The following BRD7 variants were observed in gnomAD, a reference collection of about 807,000 sequenced individuals.
The protein encoded by BRD7 is bromodomain containing 7, also known as bromodomain-containing protein 7.
Under a neutral mutation model 82.1 loss-of-function variants are expected in BRD7, and 15 were observed. That is an observed-to-expected ratio of 0.18 (90% confidence interval 0.12 to 0.28). The LOEUF is 0.28. Ranked by LOEUF, BRD7 falls within the 10% of genes least tolerant of loss-of-function variation. The pLI, the probability that BRD7 is intolerant of heterozygous loss-of-function variation, is 1.00. For synonymous variants in BRD7, 232 were observed against 266.9 expected (o/e 0.87, Z 1.27); for missense variants, 638 against 779.9 (o/e 0.82, Z 2.17).
intron 5 of BRD7, among the ~76,000 whole-genome samples, chr16:50,342,339 A>C (rs2038100138): frequency 1.3e-5 from 2 of 152,186 alleles, no homozygotes; most frequent in South Asian, 4.1e-4. Context: ...GATTCTTTGG[A>C]GAAAGTGGAA....
At chr16:50,368,005 C>A in intron 2 of BRD7, 85 bp downstream of exon 2, 2 of 1,390,074 alleles carry the variant, frequency 1.4e-6, no homozygotes, top group East Asian at 4.6e-5. Flanking sequence ...GTTTGTTTTC[C>A]CCAGATACAA....
intron 11 of BRD7, among the ~76,000 whole-genome samples, 175 bp downstream of exon 11, chr16:50,325,569 GCTCT>G (rs2037301099): frequency 6.6e-6 from 1 of 151,890 alleles, no homozygotes; most frequent in African/African-American, 2.4e-5. Context: ...AGGGAGACAT[GCTCT>G]CTCTCTCCAC....
At position 50,319,244 on chromosome 16, in the gene BRD7, C is replaced by A. The variant is rs749515135; in HGVS notation, c.1923G>T (p.Thr641=). The change falls in exon 17 of 17, where the codon ACG becomes ACT. Residue 641 remains threonine (T), a synonymous_variant. Coordinates refer to ENST00000394688, the MANE Select transcript of BRD7 (RefSeq NM_013263.5). The part of the protein sequence containing the change: ...LTEDTEEPKK[T]DVAECGPGGS ...CACCAGGTCCACACTCAGCAACATC[C>A]GTCTTTTTAGGTTCTTCAGTGTCTG... 1 of 1,613,532 alleles carries A rather than the reference C, an allele frequency of 6.2e-7. No homozygotes were observed. Among genetic ancestry groups the A allele is most frequent in the Non-Finnish European group, 8.5e-7 (1 of 1,179,838 alleles).
chr16:50,326,008 G>A (rs545591674), intron 10 of BRD7, 125 bp from the exon 11 acceptor site: 3 of 1,041,496 alleles, frequency 2.9e-6, no homozygotes, highest in Admixed American at 3.2e-5. Flanking sequence ...GCAAATCTAA[G>A]ATATTTTCTC....
chr16:50,340,739 G>A (rs2038012288), intron 5 of BRD7, among the ~76,000 whole-genome samples: 1 of 152,146 alleles, frequency 6.6e-6, no homozygotes, highest in Admixed American at 6.5e-5. Flanking sequence ...TGTAACTGGA[G>A]TAGCCAAATT....
chr16:50,354,216 G>T lies in BRD7; in HGVS notation c.446+209C>A, dbSNP rs115046964. ...AGAAATTTGTCATTAAAAGTATTAT[G>T]TAACACCCTTCAAGTTGCCAGGGAA... is the stretch of plus-strand genomic sequence containing the variant. On this transcript the variant is annotated intron_variant, in intron 4 of 16. Coordinates refer to ENST00000394688, the MANE Select transcript of BRD7 (RefSeq NM_013263.5). Among the ~76,000 whole-genome samples the T allele has an allele frequency of 8.6e-3, 1,309 of 152,266 alleles. 21 individuals carry two copies. The highest frequency in any genetic ancestry group is 0.03 in the African/African-American group (1,251 of 41,552).
intron 5 of BRD7, among the ~76,000 whole-genome samples, chr16:50,345,231 C>T (rs1453377846): frequency 6.6e-6 from 1 of 152,196 alleles, no homozygotes; most frequent in Non-Finnish European, 1.5e-5. Context: ...CAGATTTTGT[C>T]ATCACCAGGC....
At chr16:50,354,745 TG>T in intron 3 of BRD7, 47 bp downstream of exon 3, 1 of 1,578,550 alleles carries the variant, frequency 6.3e-7, no homozygotes, top group Non-Finnish European at 8.6e-7. Context: ...TGAGCTATAA[TG>T]ATTTCAGCCT....
chr16:50,335,404 G>A (rs1355310839), intron 6 of BRD7, among the ~76,000 whole-genome samples: 7 of 152,214 alleles, frequency 4.6e-5, no homozygotes, highest in African/African-American at 1.7e-4. Flanking sequence ...AAGACAGTTG[G>A]TGGCACAGTT....
intron 6 of BRD7, among the ~76,000 whole-genome samples, chr16:50,335,316 T>C (rs550672231): frequency 6.6e-6 from 1 of 152,222 alleles, no homozygotes; most frequent in South Asian, 2.1e-4. Context: ...GTGAAGTCCC[T>C]CTCTGTTCTG....
chr16:50,368,311 A>G lies in BRD7; in HGVS notation c.50-13T>C. The G allele has an allele frequency of 6.2e-7, 1 of 1,609,888 alleles. No individual in the cohort carries two copies. Among genetic ancestry groups the G allele is most frequent in the Non-Finnish European group, 8.5e-7 (1 of 1,178,512 alleles). On this transcript the variant is annotated splice_polypyrimidine_tract_variant and intron_variant, in intron 1 of 16. Coordinates refer to ENST00000394688, the MANE Select transcript of BRD7 (RefSeq NM_013263.5). ...TTCTCTACATACTCTTAAAAAAAGA[A>G]AAGAAAAGAAAGGAAAGCGCGTCGA... is the stretch of plus-strand genomic sequence containing the variant.
rs148100096 is a variant in BRD7, at chr16:50,336,132, T to C, written c.703-1237A>G. On this transcript the variant is annotated intron_variant, in intron 6 of 16. Transcript: ENST00000394688. ...TATAAGCATTTCCTCTCCATATCAA[T>C]AGATATTTAAAATATTTTAATAACT... is the stretch of plus-strand genomic sequence containing the variant. Among the ~76,000 whole-genome samples the C allele has an allele frequency of 6.4e-3, 973 of 152,312 alleles. 14 individuals carry two copies. The highest frequency in any genetic ancestry group is 0.022 in the African/African-American group (913 of 41,562).
chr16:50,323,829 A>G, intron 11 of BRD7, 131 bp from the exon 12 acceptor site: 1 of 634,308 alleles, frequency 1.6e-6, no homozygotes, highest in Non-Finnish European at 2.8e-6. Flanking sequence ...TAGACACAAC[A>G]TGGTATCTAC....
chr16:50,349,875 A>G, intron 5 of BRD7, 148 bp downstream of exon 5: 2 of 693,954 alleles, frequency 2.9e-6, no homozygotes, highest in South Asian at 5.2e-5. Flanking sequence ...CCAAGCTCAT[A>G]AAGTTTTCTG....
chr16:50,345,144 C>G (rs2151179271), intron 5 of BRD7, among the ~76,000 whole-genome samples: 1 of 152,280 alleles, frequency 6.6e-6, no homozygotes, highest in East Asian at 1.9e-4. Flanking sequence ...ATTTTCAACC[C>G]AGAATTTCAT....
At chr16:50,344,007 C>G (rs1460682684) in intron 5 of BRD7, among the ~76,000 whole-genome samples, 1 of 152,190 alleles carries the variant, frequency 6.6e-6, no homozygotes, top group Non-Finnish European at 1.5e-5. Context: ...CTGGGAGGCA[C>G]CTCCCTGTAG....
intron 2 of BRD7, among the ~76,000 whole-genome samples, chr16:50,356,846 A>T (rs764571999): frequency 7.2e-5 from 11 of 152,178 alleles, no homozygotes; most frequent in Non-Finnish European, 1.5e-4. Context: ...CTGCATTCTT[A>T]AAATTTAAAT....
rs753370367 is a variant in BRD7, at chr16:50,368,809, A to G, written c.-35T>C. ...GGCCCCGGTGCCCGCCCCCCGCGCC[A>G]GGCCCAGGCCGTGCGGCGCCGCTTC... On this transcript the variant is annotated 5_prime_UTR_variant, in exon 1 of 17. Coordinates refer to ENST00000394688, the MANE Select transcript of BRD7 (RefSeq NM_013263.5). 24 of 1,462,846 alleles carry G rather than the reference A, an allele frequency of 1.6e-5. No individual in the cohort carries two copies. In the East Asian group the frequency reaches 7.0e-4, roughly 43 times the overall value. 90.6% of individuals were successfully genotyped at this position (1,462,846 alleles called of 1,614,324 possible). A position where few individuals can be genotyped will look rare whatever the true frequency, so the allele number is the denominator to read the frequency against.
intron 2 of BRD7, among the ~76,000 whole-genome samples, chr16:50,360,161 C>G (rs1597096406): frequency 2.0e-5 from 3 of 152,292 alleles, no homozygotes; most frequent in Admixed American, 2.0e-4. Flanking sequence ...GGACAGTGGT[C>G]CTTGTCTTAT....
Sources: gnomAD v4.1 joint callset for allele counts (sites outside exome capture counted in the v4.1 genomes callset) on GRCh38, gnomAD v4.1.1 for gene constraint, MANE v1.5 for transcripts, NCBI Gene and HGNC (gene_info 2026-07-23, HGNC 2026-07-21) for gene names.